FYN: variants seen among roughly 807,000 people sequenced by gnomAD.
FYN encodes the protein FYN proto-oncogene, Src family tyrosine kinase.
In FYN, 10 loss-of-function variants were observed where a neutral mutation model predicts 70.2. That is an observed-to-expected ratio of 0.14 (90% CI 0.09 to 0.24). The LOEUF is 0.24. FYN is among the 10% of genes least tolerant of loss of function. The pLI is 1.00. For synonymous variants in FYN, 236 were observed against 248.6 expected (o/e 0.95, Z 0.48); for missense variants, 319 against 673.1 (o/e 0.47, Z 5.82).
At chr6:111,842,068 T>A (rs1161691167) in intron 2 of FYN, among the ~76,000 whole-genome samples, 5 of 152,114 alleles carry the variant, frequency 3.3e-5, no homozygotes, top group African/African-American at 1.2e-4. Context: ...GCCACTTCCT[T>A]TTCCTGGTCC....
chr6:111,787,647 C>G (rs898275271), intron 2 of FYN, among the ~76,000 whole-genome samples: 2 of 152,236 alleles, frequency 1.3e-5, no homozygotes, highest in Non-Finnish European at 2.9e-5. Flanking sequence ...TGTTGAGTGA[C>G]TGACTGAATA....
intron 2 of FYN, among the ~76,000 whole-genome samples, chr6:111,808,727 C>T (rs1184743817): frequency 2.6e-5 from 4 of 152,198 alleles, no homozygotes; most frequent in African/African-American, 9.7e-5. Flanking sequence ...GTCAAACCCT[C>T]ACCACCATCA....
intron 8 of FYN, among the ~76,000 whole-genome samples, chr6:111,700,511 T>C (rs971456496): frequency 3.9e-5 from 6 of 152,126 alleles, no homozygotes; most frequent in East Asian, 3.9e-4. Context: ...AACATTTTCA[T>C]TGGAGGTAGA....
At chr6:111,853,026 C>T (rs1180359992) in intron 1 of FYN, among the ~76,000 whole-genome samples, 1 of 152,216 alleles carries the variant, frequency 6.6e-6, no homozygotes, top group Non-Finnish European at 1.5e-5. Flanking sequence ...CCACCAACAT[C>T]ATAGGTCTCT....
intron 1 of FYN, among the ~76,000 whole-genome samples, chr6:111,863,269 G>A (rs566249042): frequency 2.0e-5 from 3 of 152,252 alleles, no homozygotes; most frequent in East Asian, 1.9e-4. Context: ...AGAAATCAGC[G>A]CTTCTTAAAA....
At chr6:111,808,601 G>A (rs752060275) in intron 2 of FYN, among the ~76,000 whole-genome samples, 2 of 152,168 alleles carry the variant, frequency 1.3e-5, no homozygotes, top group South Asian at 2.1e-4. Context: ...ACTCACTGAC[G>A]TTGTACATAG....
intron 3 of FYN, among the ~76,000 whole-genome samples, chr6:111,757,242 A>G (rs574030826): frequency 4.7e-4 from 71 of 152,360 alleles, no homozygotes; most frequent in Admixed American, 2.3e-3. Context: ...CACTGTGCTT[A>G]TATTTCTTGA....
At chr6:111,861,352 C>T (rs1311078662) in intron 1 of FYN, among the ~76,000 whole-genome samples, 1 of 152,106 alleles carries the variant, frequency 6.6e-6, no homozygotes, top group Non-Finnish European at 1.5e-5. Context: ...GAAGTGGTAA[C>T]ATTATATGCC....
rs1232261806 is a variant in FYN, at chr6:111,660,386, T to A, written c.*1353A>T. Reference sequence around the variant, plus strand: ...ACTAAATTAAGAAAGTTAAACAATTTAAAAATGTAAACTCACAAATAAATC... The same window carrying A: ...ACTAAATTAAGAAAGTTAAACAATTAAAAAATGTAAACTCACAAATAAATC... On this transcript the variant is annotated 3_prime_UTR_variant, in exon 14 of 14. Transcript: ENST00000354650. 1 of 152,186 alleles carries A rather than the reference T, an allele frequency of 6.6e-6. No individual in the cohort carries two copies. The highest frequency in any genetic ancestry group is 1.9e-4 in the East Asian group (1 of 5,204). The allele number at this position is 152,186 out of a possible 1,614,324, so 9.4% of individuals were successfully genotyped here. A position where few individuals can be genotyped will look rare whatever the true frequency, so the allele number is the denominator to read the frequency against.
chr6:111,832,686 G>T (rs1562537870), intron 2 of FYN, among the ~76,000 whole-genome samples: 1 of 151,840 alleles, frequency 6.6e-6, no homozygotes, highest in Non-Finnish European at 1.5e-5. Flanking sequence ...GGAACATTGA[G>T]GTTTTTTCCA....
At chr6:111,859,249 C>A (rs1773898709) in intron 1 of FYN, among the ~76,000 whole-genome samples, 2 of 152,202 alleles carry the variant, frequency 1.3e-5, no homozygotes, top group Non-Finnish European at 2.9e-5. Flanking sequence ...TCTCTTAGAG[C>A]AACCTATTAT....
At chr6:111,837,452 C>G (rs1193253344) in intron 2 of FYN, among the ~76,000 whole-genome samples, 1 of 152,084 alleles carries the variant, frequency 6.6e-6, no homozygotes, top group Non-Finnish European at 1.5e-5. Flanking sequence ...TCTATGTTGA[C>G]ACACAGCAAC....
chr6:111,762,300 T>C (rs1031213123), intron 3 of FYN, among the ~76,000 whole-genome samples: 24 of 152,212 alleles, frequency 1.6e-4, no homozygotes, highest in African/African-American at 5.8e-4. Flanking sequence ...TCATTACTTA[T>C]ACCTCTAAGT....
intron 13 of FYN, among the ~76,000 whole-genome samples, chr6:111,670,802 A>G (rs1264379846): frequency 6.6e-6 from 1 of 152,154 alleles, no homozygotes; most frequent in African/African-American, 2.4e-5. Flanking sequence ...AGAAACTGGA[A>G]GCAGAGGGGA....
At chr6:111,719,037 C>G (rs1369697889) in intron 4 of FYN, among the ~76,000 whole-genome samples, 1 of 152,192 alleles carries the variant, frequency 6.6e-6, no homozygotes, top group Non-Finnish European at 1.5e-5. Flanking sequence ...TATAAGACAT[C>G]TGCTGCCAGA....
chr6:111,686,914 G>C (rs566653651), intron 12 of FYN, among the ~76,000 whole-genome samples: 7 of 152,192 alleles, frequency 4.6e-5, no homozygotes, highest in Non-Finnish European at 1.0e-4. Flanking sequence ...GTAATACAAA[G>C]GAAGGACAGG....
intron 9 of FYN, 155 bp downstream of exon 9, chr6:111,699,949 G>C: frequency 3.7e-6 from 1 of 271,034 alleles, no homozygotes; most frequent in Non-Finnish European, 6.3e-6. Context: ...AGGAATTCCA[G>C]AATGTTAAAA....
chr6:111,779,121 ATT>A (rs397934539), intron 3 of FYN, among the ~76,000 whole-genome samples: 8 of 91,524 alleles, frequency 8.7e-5, no homozygotes, highest in African/African-American at 2.1e-4. Flanking sequence ...AGTAGGAGAC[ATT>A]TTTTTTTTTT....
Position 111,663,436 on chromosome 6 carries a change from C to T in FYN, c.1406-1489G>A, listed in dbSNP as rs193273209. 3.8e-3 allele frequency among the ~76,000 whole-genome samples: 585 copies of T among 152,336 alleles called. 3 individuals are homozygous for T. The highest frequency in any genetic ancestry group is 7.0e-3 in the Non-Finnish European group (476 of 68,030). On this transcript the variant is annotated intron_variant, in intron 13 of 13. Coordinates refer to ENST00000354650, the MANE Select transcript of FYN (RefSeq NM_002037.5). The stretch of plus-strand genomic sequence containing the variant: ...AGAGGGAACACTCGGACTTCGGGGT[C>T]TGTTGCCAGTCCTCTTGGTTGTGTT...
Sources: gnomAD v4.1 joint callset for allele counts (sites outside exome capture counted in the v4.1 genomes callset) on GRCh38, gnomAD v4.1.1 for gene constraint, MANE v1.5 for transcripts, NCBI Gene and HGNC (gene_info 2026-07-23, HGNC 2026-07-21) for gene names.